The following SLCO1B3 variants were observed in gnomAD, a reference collection of about 807,000 sequenced individuals.
SLCO1B3 encodes liver-specific organic anion transporter 2.
A neutral mutation model predicts 71.8 loss-of-function variants in SLCO1B3; 72 were observed. The ratio of observed to expected loss-of-function variants is 1.00; its 90% CI spans 0.83 to 1.22. The LOEUF (loss-of-function observed/expected upper bound fraction) is 1.22, where lower values mean the gene tolerates loss of function less well. Ranked by LOEUF, SLCO1B3 falls within the 50% of genes most tolerant of loss-of-function variation. The probability of loss-of-function intolerance (pLI) is 0.00; values close to 1 mark genes in which losing one functional copy is unlikely to be tolerated. For missense variants in SLCO1B3, 911 were observed against 819.7 expected, an observed-to-expected ratio of 1.11 and a Z score of -1.36; for synonymous variants, 298 against 278.4, an observed-to-expected ratio of 1.07 and a Z score of -0.70.
At chr12:20,851,556 A>G (rs1054386994) in intron 3 of SLCO1B3, among the ~76,000 whole-genome samples, 1 of 152,120 alleles carries the variant, frequency 6.6e-6, no homozygotes, top group Admixed American at 6.6e-5. Context: ...TTACTTATAT[A>G]TTCTGGGTAT....
chr12:20,855,776 AAT>A (rs1865121815), intron 4 of SLCO1B3, among the ~76,000 whole-genome samples: 1 of 150,558 alleles, frequency 6.6e-6, no homozygotes, highest in African/African-American at 2.4e-5. Flanking sequence ...AATTGAAAAT[AAT>A]ATATTTTCAA....
At chr12:20,909,220 C>T (rs1458400179) in intron 15 of SLCO1B3, among the ~76,000 whole-genome samples, 1 of 143,816 alleles carries the variant, frequency 7.0e-6, no homozygotes, top group Non-Finnish European at 1.5e-5. Flanking sequence ...GGCTGGAGTG[C>T]AGTGGCATGA....
chr12:20,860,092 A>T (rs1865227326), intron 5 of SLCO1B3, among the ~76,000 whole-genome samples: 1 of 150,976 alleles, frequency 6.6e-6, no homozygotes, highest in Non-Finnish European at 1.5e-5. Flanking sequence ...AGTAGCTGGG[A>T]CTACAGGCGC....
At chr12:20,879,201 C>G (rs867425196) in intron 10 of SLCO1B3, among the ~76,000 whole-genome samples, 2 of 86,424 alleles carry the variant, frequency 2.3e-5, no homozygotes, top group Non-Finnish European at 5.5e-5. Context: ...TGCCACCCTT[C>G]TCTCTTTTTT....
intron 5 of SLCO1B3, among the ~76,000 whole-genome samples, chr12:20,859,949 ATTTC>A (rs1350643205): frequency 3.1e-5 from 4 of 127,632 alleles, no homozygotes; most frequent in African/African-American, 1.2e-4. Flanking sequence ...AAAGCTGATC[ATTTC>A]TTTTTTTTTT....
At chr12:20,864,290 A>G (rs2121259051) in intron 8 of SLCO1B3, among the ~76,000 whole-genome samples, 1 of 151,962 alleles carries the variant, frequency 6.6e-6, no homozygotes, top group South Asian at 2.1e-4. Flanking sequence ...CAATCTATAA[A>G]TATTTGCATA....
intron 15 of SLCO1B3, among the ~76,000 whole-genome samples, chr12:20,906,077 C>T (rs1369270914): frequency 3.4e-5 from 5 of 147,428 alleles, no homozygotes; most frequent in African/African-American, 4.9e-5. Context: ...GGGAAATCCA[C>T]CCCCATGATC....
Position 20,913,125 on chromosome 12 carries a change from C to T in SLCO1B3, c.1866-2879C>T, listed in dbSNP as rs1031473411. 1.1e-4 allele frequency among the ~76,000 whole-genome samples: 17 copies of T among 152,160 alleles called. No homozygotes were observed. The South Asian group carries it at 3.5e-3, about 32-fold the overall frequency. Reference sequence around the variant, plus strand: ...TGTTGGTTGATAGTGTTGTTGAGTTCAACTATGTCTGATTGAATTTTGCCT... The same window carrying T: ...TGTTGGTTGATAGTGTTGTTGAGTTTAACTATGTCTGATTGAATTTTGCCT... On this transcript the variant is annotated intron_variant, in intron 15 of 15. Transcript: ENST00000381545.
chr12:20,891,348 C>T (rs1057412403), intron 13 of SLCO1B3, among the ~76,000 whole-genome samples: 15 of 151,614 alleles, frequency 9.9e-5, no homozygotes, highest in Non-Finnish European at 2.2e-4. Context: ...ATAATAAGAC[C>T]CTAATTTCTT....
intron 11 of SLCO1B3, among the ~76,000 whole-genome samples, chr12:20,880,528 A>G (rs1865668577): frequency 6.6e-6 from 1 of 152,100 alleles, no homozygotes; most frequent in Non-Finnish European, 1.5e-5. Context: ...AGTTTCATTG[A>G]TAGAATGATA....
chr12:20,833,498 A>G (rs1241975731), intron 3 of SLCO1B3, among the ~76,000 whole-genome samples: 3 of 149,020 alleles, frequency 2.0e-5, no homozygotes, highest in African/African-American at 7.3e-5. Flanking sequence ...AGATATATAC[A>G]TATGTTTACT....
At chr12:20,827,533 ATT>A (rs1411633591) in intron 3 of SLCO1B3, among the ~76,000 whole-genome samples, 1 of 151,772 alleles carries the variant, frequency 6.6e-6, no homozygotes, top group Non-Finnish European at 1.5e-5. Context: ...TATTTTAGAT[ATT>A]TTAGACTTCC....
chr12:20,883,919 G>A (rs985503924), intron 13 of SLCO1B3, among the ~76,000 whole-genome samples: 17 of 152,048 alleles, frequency 1.1e-4, no homozygotes, highest in Admixed American at 2.6e-4. Flanking sequence ...TTTGAGTTGC[G>A]TTGCATCCTA....
At chr12:20,902,043 A>G (rs530478354) in intron 15 of SLCO1B3, 13 of 319,890 alleles carry the variant, frequency 4.1e-5, no homozygotes, top group East Asian at 3.3e-4. Context: ...TTCTGAAACT[A>G]TAAGTATTAG....
intron 14 of SLCO1B3, among the ~76,000 whole-genome samples, chr12:20,901,010 T>G (rs906763378): frequency 6.6e-6 from 1 of 152,186 alleles, no homozygotes; most frequent in Admixed American, 6.5e-5. Flanking sequence ...TGAACCAACA[T>G]AACTTTCATG....
chr12:20,850,049 T>TTTC (rs1864993994), intron 3 of SLCO1B3, among the ~76,000 whole-genome samples: 1 of 136,938 alleles, frequency 7.3e-6, no homozygotes, highest in Non-Finnish European at 1.6e-5. Context: ...TTTTTTTTTT[T>TTTC]CTTGCAGACA....
rs1373339677 is a variant in SLCO1B3 at position 20,877,758 on chromosome 12, T to A, written c.971-14T>A. The A allele has an allele frequency of 8.2e-7, 1 of 1,218,084 alleles. No homozygotes were observed. Among genetic ancestry groups the A allele is most frequent in the Non-Finnish European group, 1.1e-6 (1 of 914,966 alleles). 75.5% of individuals were successfully genotyped at this position (1,218,084 alleles called of 1,614,324 possible). A position where few individuals can be genotyped will look rare whatever the true frequency, so the allele number is the denominator to read the frequency against. ...ATTTTATTATTGAAATATGTTATTT[T>A]TATAACTCTATAGGTTTTTTCCAGT... On this transcript the variant is annotated splice_polypyrimidine_tract_variant and intron_variant, in intron 9 of 15. Transcript: ENST00000381545.
intron 8 of SLCO1B3, among the ~76,000 whole-genome samples, chr12:20,871,912 G>C (rs1865482853): frequency 1.3e-5 from 2 of 152,100 alleles, no homozygotes; most frequent in South Asian, 2.1e-4. Context: ...AAGATCAAGG[G>C]CTCTACAATC....
intron 8 of SLCO1B3, among the ~76,000 whole-genome samples, chr12:20,867,470 A>C (rs1167461605): frequency 1.3e-5 from 2 of 152,112 alleles, no homozygotes; most frequent in Non-Finnish European, 2.9e-5. Context: ...ATTTCAAGAC[A>C]TGGATCTTGG....
Sources: gnomAD v4.1 joint callset for allele counts (sites outside exome capture counted in the v4.1 genomes callset) on GRCh38, gnomAD v4.1.1 for gene constraint, MANE v1.5 for transcripts, NCBI Gene and HGNC (gene_info 2026-07-23, HGNC 2026-07-21) for gene names.